Variants in RTN1 observed in about 807,000 individuals in gnomAD.
The protein encoded by RTN1 is reticulon 1.
Under a neutral mutation model 65.5 loss-of-function variants are expected in RTN1, and 25 were observed. The ratio of observed to expected loss-of-function variants is 0.38; its 90% CI spans 0.28 to 0.53. The LOEUF is 0.53. Among genes scored for constraint, RTN1 ranks in the 20% least tolerant of loss-of-function variants. RTN1 has a pLI of 0.79. For synonymous variants in RTN1, 471 were observed against 447.6 expected (o/e 1.05, Z -0.66); for missense variants, 983 against 1,025.4 (o/e 0.96, Z 0.57).
At chr14:59,678,953 G>C (rs945824823) in intron 3 of RTN1, among the ~76,000 whole-genome samples, 2 of 152,164 alleles carry the variant, frequency 1.3e-5, no homozygotes, top group Non-Finnish European at 2.9e-5. Flanking sequence ...CATAGATACA[G>C]GTGCAGGGTC....
At chr14:59,738,993 C>A (rs1885060297) in intron 2 of RTN1, among the ~76,000 whole-genome samples, 1 of 151,864 alleles carries the variant, frequency 6.6e-6, no homozygotes, top group South Asian at 2.1e-4. Flanking sequence ...CACACTGGGG[C>A]CTGTCAGACG....
chr14:59,677,702 TG>T (rs1308921066), intron 3 of RTN1, among the ~76,000 whole-genome samples: 1 of 152,208 alleles, frequency 6.6e-6, no homozygotes, highest in Non-Finnish European at 1.5e-5. Flanking sequence ...TACAGGTAAA[TG>T]GAAAACCATT....
intron 3 of RTN1, among the ~76,000 whole-genome samples, chr14:59,697,049 T>G (rs1176128193): frequency 6.6e-6 from 1 of 152,184 alleles, no homozygotes; most frequent in Non-Finnish European, 1.5e-5. Context: ...GTCTCATTTT[T>G]TTTTGTCCAC....
intron 3 of RTN1, among the ~76,000 whole-genome samples, chr14:59,633,018 C>T (rs1882588555): frequency 6.6e-6 from 1 of 152,174 alleles, no homozygotes; most frequent in South Asian, 2.1e-4. Flanking sequence ...GGGAAGATCA[C>T]TTGAACCCAG....
chr14:59,669,179 C>A (rs190483190), intron 3 of RTN1, among the ~76,000 whole-genome samples: 1,770 of 152,044 alleles, frequency 0.012, 142 homozygotes, highest in Admixed American at 0.11. Flanking sequence ...AGCAATATTC[C>A]CAATAGCAAA....
In RTN1 at chr14:59,727,254, G is replaced by A. The variant is rs368561381; in HGVS notation, c.1430C>T (p.Ser477Leu). 5 of 1,521,148 alleles carry A rather than the reference G, an allele frequency of 3.3e-6. No individual in the cohort carries two copies. The highest frequency in any genetic ancestry group is 4.4e-6 in the Non-Finnish European group (5 of 1,134,158). The allele number at this position is 1,521,148 out of a possible 1,614,324, so 94.2% of individuals were successfully genotyped here. The change falls in exon 3 of 9, where the codon TCG becomes TTG. Residue 477 changes from serine to leucine, a missense_variant. Coordinates refer to ENST00000267484, the MANE Select transcript of RTN1 (RefSeq NM_021136.3). This position sits in a 1 kb window ranked among gnomAD's most constrained non-coding sequence, Gnocchi z 4.2. ...IIESCDASSA[S>L]EESPKREQDS... Reference sequence around the variant, plus strand: ...CTGCTCCCGCTTGGGGCTCTCCTCCGAGGCCGAGGAGGCGTCGCACGACTC... The same window carrying A: ...CTGCTCCCGCTTGGGGCTCTCCTCCAAGGCCGAGGAGGCGTCGCACGACTC...
chr14:59,754,102 T>C (rs371351483), intron 1 of RTN1, among the ~76,000 whole-genome samples: 33 of 152,264 alleles, frequency 2.2e-4, no homozygotes, highest in African/African-American at 6.5e-4. Context: ...AAAGTACTTA[T>C]AATAAAAACT....
chr14:59,767,826 G>A (rs1324508725), intron 1 of RTN1, among the ~76,000 whole-genome samples: 2 of 152,178 alleles, frequency 1.3e-5, no homozygotes, highest in Non-Finnish European at 2.9e-5. Flanking sequence ...ATGGGCCAGA[G>A]TGCAAATACT....
chr14:59,716,994 A>AAC (rs1884550173), intron 3 of RTN1, among the ~76,000 whole-genome samples: 32 of 87,022 alleles, frequency 3.7e-4, no homozygotes, highest in African/African-American at 1.6e-3. Flanking sequence ...AACAAAAAAA[A>AAC]AAAAAAAAAG....
chr14:59,627,996 G>T (rs549058349), intron 3 of RTN1, among the ~76,000 whole-genome samples: 19 of 150,318 alleles, frequency 1.3e-4, no homozygotes, highest in African/African-American at 4.7e-4. Flanking sequence ...TTTTAAATTG[G>T]TATCCTGGAC....
chr14:59,727,791 A>G lies in RTN1; in HGVS notation c.1016-123T>C. On this transcript the variant is annotated intron_variant, in intron 2 of 8. Coordinates refer to ENST00000267484, the MANE Select transcript of RTN1 (RefSeq NM_021136.3). This position sits in a 1 kb window ranked among gnomAD's most constrained non-coding sequence, Gnocchi z 4.2. Reference sequence around the variant, plus strand: ...GATGTTTTGTCGTTGCTTGAGAAACACATATCTCATTAGCACAAAAATAAT... The same window carrying G: ...GATGTTTTGTCGTTGCTTGAGAAACGCATATCTCATTAGCACAAAAATAAT... 7.6e-7 allele frequency: 1 copy of G among 1,323,532 alleles called. No homozygotes were observed. 82.0% of individuals were successfully genotyped at this position (1,323,532 alleles called of 1,614,324 possible).
At chr14:59,751,397 A>T (rs1425103376) in intron 1 of RTN1, among the ~76,000 whole-genome samples, 1 of 152,068 alleles carries the variant, frequency 6.6e-6, no homozygotes, top group East Asian at 1.9e-4. Context: ...CTTTCATTAT[A>T]TGGGCTCAGC....
chr14:59,866,017 T>C (rs1887791780), intron 1 of RTN1, among the ~76,000 whole-genome samples: 1 of 145,906 alleles, frequency 6.9e-6, no homozygotes, highest in South Asian at 2.2e-4. Context: ...TATCCTGTGT[T>C]GATCTCAGAA....
chr14:59,758,110 A>G (rs1413755574), intron 1 of RTN1, among the ~76,000 whole-genome samples: 1 of 152,092 alleles, frequency 6.6e-6, no homozygotes, highest in Non-Finnish European at 1.5e-5. Flanking sequence ...CCTAGTTCAA[A>G]ATGTCATATA....
intron 1 of RTN1, among the ~76,000 whole-genome samples, chr14:59,749,990 TACA>T (rs1885407365): frequency 6.1e-5 from 5 of 82,280 alleles, no homozygotes; most frequent in South Asian, 6.0e-4. Flanking sequence ...ATATATTATA[TACA>T]TATATATTAT....
Position 59,749,198 on chromosome 14 carries a change from C to A in RTN1, c.242-2717G>T, listed in dbSNP as rs866906858. ...TATCTATATATCTATCTATATATAT[C>A]TATATATATATCTATATATATCTAT... On this transcript the variant is annotated intron_variant, in intron 1 of 8. Coordinates refer to ENST00000267484, the MANE Select transcript of RTN1 (RefSeq NM_021136.3). Among the ~76,000 whole-genome samples, 292 of 45,088 alleles carry A rather than the reference C, an allele frequency of 6.5e-3. 53 individuals are homozygous for A. The highest frequency in any genetic ancestry group is 0.034 in the African/African-American group (250 of 7,424). The allele number at this position is 45,088 out of a possible 152,430, so 29.6% of individuals were successfully genotyped here.
intron 1 of RTN1, among the ~76,000 whole-genome samples, chr14:59,869,538 C>T (rs1287674311): frequency 1.3e-4 from 16 of 127,702 alleles, no homozygotes; most frequent in Non-Finnish European, 2.2e-4. Context: ...TTGAATAGGG[C>T]GTCAGGCGAA....
At chr14:59,664,264 C>T (rs532801821) in intron 3 of RTN1, among the ~76,000 whole-genome samples, 5 of 152,052 alleles carry the variant, frequency 3.3e-5, no homozygotes, top group African/African-American at 7.2e-5. Context: ...GGGAGTTGAA[C>T]GATGAGAACA....
chr14:59,811,156 T>C (rs893446579), intron 1 of RTN1, among the ~76,000 whole-genome samples: 11 of 152,178 alleles, frequency 7.2e-5, no homozygotes, highest in Non-Finnish European at 1.5e-4. Context: ...GGTGAACTTT[T>C]AGTATATTGT....
Sources: gnomAD v4.1 joint callset for allele counts (sites outside exome capture counted in the v4.1 genomes callset) on GRCh38, gnomAD v4.1.1 for gene constraint, Gnocchi (gnomAD v3.1) non-coding constraint, MANE v1.5 for transcripts, NCBI Gene and HGNC (gene_info 2026-07-23, HGNC 2026-07-21) for gene names.